EPHB1: variants seen among roughly 807,000 people sequenced by gnomAD.
The protein encoded by EPHB1 is EPH receptor B1.
EPHB1 carries 30 observed loss-of-function variants against 94.4 expected under a neutral mutation model. That is an observed-to-expected ratio of 0.32 (90% confidence interval 0.24 to 0.43). The LOEUF is 0.43. EPHB1 is among the 20% of genes least tolerant of loss of function. EPHB1 has a pLI of 1.00. For synonymous variants in EPHB1, 522 were observed against 489.1 expected, an observed-to-expected ratio of 1.07 and a Z score of -0.89; for missense variants, 1,055 against 1,308.3, an observed-to-expected ratio of 0.81 and a Z score of 2.99.
chr3:134,798,430 G>A (rs890630034), intron 1 of EPHB1, among the ~76,000 whole-genome samples: 7 of 152,166 alleles, frequency 4.6e-5, no homozygotes, highest in Non-Finnish European at 8.8e-5. Flanking sequence ...AGGACTGTTG[G>A]CTTAGGGTGT....
intron 1 of EPHB1, among the ~76,000 whole-genome samples, chr3:134,873,443 G>A (rs1946497490): frequency 6.6e-6 from 1 of 152,204 alleles, no homozygotes; most frequent in African/African-American, 2.4e-5. Context: ...GGATTTATCA[G>A]CATTCTAATA....
chr3:134,981,543 T>C (rs764165624), intron 3 of EPHB1, among the ~76,000 whole-genome samples: 78 of 152,158 alleles, frequency 5.1e-4, no homozygotes, highest in Non-Finnish European at 6.2e-4. Context: ...GGAAGTACAG[T>C]TTTACCATAT....
At chr3:135,159,687 A>G (rs1941454838) in intron 6 of EPHB1, among the ~76,000 whole-genome samples, 1 of 152,194 alleles carries the variant, frequency 6.6e-6, no homozygotes, top group Admixed American at 6.5e-5. Context: ...GTGGGTGGGC[A>G]GCTCCTCTGC....
chr3:135,003,895 G>C (rs1305465601), intron 3 of EPHB1, among the ~76,000 whole-genome samples: 2 of 152,030 alleles, frequency 1.3e-5, no homozygotes, highest in Non-Finnish European at 2.9e-5. Flanking sequence ...ACACTGATGG[G>C]TCTTGACTCT....
chr3:135,012,684 C>T (rs2107749575), intron 3 of EPHB1, among the ~76,000 whole-genome samples: 1 of 152,258 alleles, frequency 6.6e-6, no homozygotes, highest in South Asian at 2.1e-4. Flanking sequence ...GGGATACATG[C>T]CAGGAGGTGC....
At chr3:134,807,361 G>C (rs941950510) in intron 1 of EPHB1, among the ~76,000 whole-genome samples, 1 of 152,178 alleles carries the variant, frequency 6.6e-6, no homozygotes, top group Non-Finnish European at 1.5e-5. Flanking sequence ...GGGGGAGACA[G>C]AGCCACGCAG....
chr3:134,970,580 G>T (rs1211943788), intron 3 of EPHB1, among the ~76,000 whole-genome samples: 1 of 152,144 alleles, frequency 6.6e-6, no homozygotes, highest in African/African-American at 2.4e-5. Context: ...GAGGACAGCG[G>T]TATTTGAGTG....
chr3:135,178,231 G>A (rs1292020334), intron 9 of EPHB1, among the ~76,000 whole-genome samples: 1 of 147,030 alleles, frequency 6.8e-6, no homozygotes, highest in African/African-American at 2.5e-5. Flanking sequence ...GGGAGGGGGG[G>A]TGGATCATGA....
intron 1 of EPHB1, among the ~76,000 whole-genome samples, chr3:134,870,688 A>G (rs1408094525): frequency 6.6e-6 from 1 of 152,266 alleles, no homozygotes; most frequent in African/African-American, 2.4e-5. Context: ...CCCCAGCCAC[A>G]GGCTGAATAG....
intron 3 of EPHB1, among the ~76,000 whole-genome samples, chr3:134,996,385 C>T (rs190667957): frequency 5.1e-4 from 77 of 152,124 alleles, no homozygotes; most frequent in Non-Finnish European, 9.1e-4. Flanking sequence ...GGGGTTTTGC[C>T]ATGTTACCCA....
chr3:134,809,404 G>A (rs1265174125), intron 1 of EPHB1, among the ~76,000 whole-genome samples: 1 of 151,296 alleles, frequency 6.6e-6, no homozygotes. Flanking sequence ...GTAGCACAAT[G>A]CTGCTGATCT....
intron 1 of EPHB1, among the ~76,000 whole-genome samples, chr3:134,807,644 A>C (rs2036093066): frequency 1.3e-5 from 2 of 151,968 alleles, no homozygotes; most frequent in South Asian, 4.2e-4. Flanking sequence ...CCCTGTTTTC[A>C]TTCCTTAGTT....
rs558088135 is a variant in EPHB1, at chr3:135,060,191, T to C, written c.806-46257T>C. 3.3e-5 allele frequency among the ~76,000 whole-genome samples: 5 copies of C among 152,308 alleles called. No homozygotes were observed. The East Asian group carries it at 9.6e-4, about 29-fold the overall frequency. On this transcript the variant is annotated intron_variant, in intron 3 of 15. Coordinates refer to ENST00000398015, the MANE Select transcript of EPHB1 (RefSeq NM_004441.5). Reference sequence around the variant, plus strand: ...TTAACAATCACACGACATTTCCAGCTCCCCTCAGCCCTGGTGACCATTGAT... The same window carrying C: ...TTAACAATCACACGACATTTCCAGCCCCCCTCAGCCCTGGTGACCATTGAT...
chr3:135,190,717 G>A (rs1021753), intron 10 of EPHB1, among the ~76,000 whole-genome samples: 52,643 of 152,116 alleles, frequency 0.35, 9,624 homozygotes, highest in Middle Eastern at 0.47. Flanking sequence ...TTCAAATAGT[G>A]GTACTTCTAT....
Position 134,934,734 on chromosome 3 carries a change from A to C in EPHB1, c.123+8854A>C, listed in dbSNP as rs2038969983. ...GGGAGAGAGAAAGAGAGAGAGAGAG[A>C]AGCTTTCCTAGCTTGCTGTATTAAA... On this transcript the variant is annotated intron_variant, in intron 2 of 15. Transcript: ENST00000398015. Among the ~76,000 whole-genome samples, 4 of 151,128 alleles carry C rather than the reference A, an allele frequency of 2.6e-5. No individual in the cohort carries two copies. The South Asian group carries it at 8.4e-4, about 32-fold the overall frequency.
At chr3:135,067,097 G>A (rs1048715163) in intron 3 of EPHB1, among the ~76,000 whole-genome samples, 1 of 152,198 alleles carries the variant, frequency 6.6e-6, no homozygotes, top group African/African-American at 2.4e-5. Flanking sequence ...GAGGTGGCAG[G>A]GGGGTGAAAT....
At chr3:135,092,603 T>TTCCCTCCC (rs538364542) in intron 3 of EPHB1, among the ~76,000 whole-genome samples, 1 of 151,332 alleles carries the variant, frequency 6.6e-6, no homozygotes, top group Non-Finnish European at 1.5e-5. Flanking sequence ...TCCAACAACT[T>TTCCCTCCC]TCCCTCCCTC....
rs369557534 is a variant in EPHB1 at position 135,097,168 on chromosome 3, G to T, written c.806-9280G>T. Among the ~76,000 whole-genome samples, 228 of 104,458 alleles carry T rather than the reference G, an allele frequency of 2.2e-3. 1 individual carries two copies. Among genetic ancestry groups the T allele is most frequent in the Middle Eastern group, 0.016 (2 of 128 alleles). 68.5% of individuals were successfully genotyped at this position (104,458 alleles called of 152,430 possible). A position where few individuals can be genotyped will look rare whatever the true frequency, so the allele number is the denominator to read the frequency against. ...TTCAACGTATGATTTTTTTTTCTTT[G>T]TTTTTTTTTTTTTTTTTTTGAGGGG... On this transcript the variant is annotated intron_variant, in intron 3 of 15. Coordinates refer to ENST00000398015, the MANE Select transcript of EPHB1 (RefSeq NM_004441.5).
At chr3:135,030,533 G>A in intron 3 of EPHB1, among the ~76,000 whole-genome samples, 1 of 152,208 alleles carries the variant, frequency 6.6e-6, no homozygotes, top group Non-Finnish European at 1.5e-5. Flanking sequence ...AGTTAGGCTG[G>A]TCGGGGGTCA....
Sources: gnomAD v4.1 joint callset for allele counts (sites outside exome capture counted in the v4.1 genomes callset) on GRCh38, gnomAD v4.1.1 for gene constraint, MANE v1.5 for transcripts, NCBI Gene and HGNC (gene_info 2026-07-23, HGNC 2026-07-21) for gene names.